Variants in HDAC4 observed in about 807,000 individuals in gnomAD.
HDAC4 encodes histone deacetylase A.
HDAC4 carries 16 observed loss-of-function variants against 135.1 expected under a neutral mutation model. The observed-to-expected ratio is 0.12, with a 90% CI of 0.08 to 0.18. The LOEUF (loss-of-function observed/expected upper bound fraction) is 0.18, where lower values mean the gene tolerates loss of function less well. Ranked by LOEUF, HDAC4 falls within the 10% of genes least tolerant of loss-of-function variation. HDAC4 has a pLI of 1.00. For synonymous variants in HDAC4, 685 were observed against 653.4 expected (o/e 1.05, Z -0.74); for missense variants, 1,143 against 1,511.8 (o/e 0.76, Z 4.05).
At chr2:239,066,924 G>A (rs746853191) in intron 23 of HDAC4, 69 bp from the exon 24 acceptor site, 27 of 1,562,784 alleles carry the variant, frequency 1.7e-5, no homozygotes, top group East Asian at 2.3e-5. Flanking sequence ...CCAGAAACGC[G>A]TCTCATGGCA....
chr2:239,360,286 G>C (rs1421301627), intron 1 of HDAC4, among the ~76,000 whole-genome samples: 2 of 152,218 alleles, frequency 1.3e-5, no homozygotes, highest in Non-Finnish European at 2.9e-5. Context: ...GGGGAAATAG[G>C]ACAAGGCAGA....
At chr2:239,298,585 T>A (rs1424027136) in intron 2 of HDAC4, 1 of 1,018,482 alleles carries the variant, frequency 9.8e-7, no homozygotes, top group African/African-American at 1.7e-5. Context: ...TCCACCCACA[T>A]CCGGTGCACA....
At chr2:239,231,428 G>C (rs192677452) in intron 3 of HDAC4, among the ~76,000 whole-genome samples, 1 of 150,138 alleles carries the variant, frequency 6.7e-6, no homozygotes, top group Non-Finnish European at 1.5e-5. Context: ...CAGCGGCCAC[G>C]GGATCTGAGG....
At chr2:239,130,529 T>C (rs1427071909) in intron 11 of HDAC4, among the ~76,000 whole-genome samples, 1 of 143,086 alleles carries the variant, frequency 7.0e-6, no homozygotes, top group Non-Finnish European at 1.6e-5. Context: ...CCACGAGGCA[T>C]ACACATCTCC....
At chr2:239,334,295 G>A (rs188771653) in intron 2 of HDAC4, among the ~76,000 whole-genome samples, 65 of 152,176 alleles carry the variant, frequency 4.3e-4, no homozygotes, top group Non-Finnish European at 7.4e-4. Flanking sequence ...CGAGGAGGAC[G>A]GATTGCTTGA....
At chr2:239,180,418 A>G (rs2044072922) in intron 4 of HDAC4, among the ~76,000 whole-genome samples, 1 of 152,152 alleles carries the variant, frequency 6.6e-6, no homozygotes, top group South Asian at 2.1e-4. Flanking sequence ...ACCCAGAACC[A>G]CTTGTAAATA....
chr2:239,064,279 T>C (rs1258277359), intron 24 of HDAC4, among the ~76,000 whole-genome samples: 2 of 152,226 alleles, frequency 1.3e-5, no homozygotes, highest in Non-Finnish European at 2.9e-5. Context: ...AGAGTGAATC[T>C]TTCAAAATTT....
intron 2 of HDAC4, among the ~76,000 whole-genome samples, chr2:239,261,777 G>A (rs576594230): frequency 1.3e-5 from 2 of 151,984 alleles, no homozygotes; most frequent in African/African-American, 4.8e-5. Flanking sequence ...CTTAGAAGGC[G>A]AGGTTTCCAA....
intron 2 of HDAC4, among the ~76,000 whole-genome samples, chr2:239,312,338 T>A (rs1449860444): frequency 6.6e-6 from 1 of 152,178 alleles, no homozygotes; most frequent in Non-Finnish European, 1.5e-5. Flanking sequence ...GGACATTGGC[T>A]GCCGCCAAGA....
intron 25 of HDAC4, among the ~76,000 whole-genome samples, chr2:239,054,468 G>A (rs1040773449): frequency 3.9e-5 from 6 of 152,160 alleles, no homozygotes; most frequent in East Asian, 1.9e-4. Flanking sequence ...CCTAGAGCAA[G>A]TGACTCCACA....
chr2:239,378,118 C>A (rs1050217762), intron 1 of HDAC4, among the ~76,000 whole-genome samples: 2 of 152,144 alleles, frequency 1.3e-5, no homozygotes, highest in African/African-American at 4.8e-5. Context: ...GTGGGTGCCC[C>A]TCTCAGCCTG....
At chr2:239,131,899 G>A (rs141985569) in intron 11 of HDAC4, among the ~76,000 whole-genome samples, 38 of 152,358 alleles carry the variant, frequency 2.5e-4, no homozygotes, top group African/African-American at 7.5e-4. Flanking sequence ...TCTAGACAGC[G>A]TGGGGGCCTC....
At position 239,307,813 on chromosome 2, in the gene HDAC4, A is replaced by G. The variant is rs1336252528; in HGVS notation, c.22+44865T>C. 6.6e-6 allele frequency among the ~76,000 whole-genome samples: 1 copy of G among 152,168 alleles called. No homozygotes were observed. Among genetic ancestry groups the G allele is most frequent in the Non-Finnish European group, 1.5e-5 (1 of 68,030 alleles). ...GTGCTTTCTTTCCAGAGGGTTTCCC[A>G]GCCTGAAACGCCACCCCACAGCCAC... On this transcript the variant is annotated intron_variant, in intron 2 of 26. Transcript: ENST00000543185. The surrounding 1 kb of genome is among the most constrained non-coding windows in gnomAD (Gnocchi z 4.8).
chr2:239,372,112 T>C (rs930104538), intron 1 of HDAC4, among the ~76,000 whole-genome samples: 6 of 152,094 alleles, frequency 3.9e-5, no homozygotes, highest in Admixed American at 6.5e-5. Flanking sequence ...CAGGAACCCA[T>C]AGGAACCTGA....
chr2:239,353,736 A>G (rs1416194079), intron 1 of HDAC4, among the ~76,000 whole-genome samples: 1 of 152,202 alleles, frequency 6.6e-6, no homozygotes, highest in Non-Finnish European at 1.5e-5. Context: ...GTATCTTCCA[A>G]CTAATATAAA....
rs574881663 is a variant in HDAC4 at position 239,381,164 on chromosome 2, C to T, written c.-220+19814G>A. Among the ~76,000 whole-genome samples the T allele has an allele frequency of 4.9e-4, 74 of 152,318 alleles. No homozygotes were observed. In the South Asian group the frequency reaches 6.6e-3, roughly 14 times the overall value. ...GAGTCACGGAGCTGCCTCCCGCGAC[C>T]GCCTTCCTCAATCACTACAATGAAA... On this transcript the variant is annotated intron_variant, in intron 1 of 26. Coordinates refer to ENST00000543185, the MANE Select transcript of HDAC4 (RefSeq NM_001378414.1).
At chr2:239,222,692 T>C in intron 3 of HDAC4, among the ~76,000 whole-genome samples, 1 of 152,218 alleles carries the variant, frequency 6.6e-6, no homozygotes. Flanking sequence ...TGGAAAATCT[T>C]TCTAAGACTC....
At chr2:239,367,467 A>T (rs1694297312) in intron 1 of HDAC4, among the ~76,000 whole-genome samples, 1 of 152,184 alleles carries the variant, frequency 6.6e-6, no homozygotes, top group African/African-American at 2.4e-5. Context: ...GTTAGTTTCT[A>T]ATACAATAAA....
chr2:239,126,797 G>T, intron 11 of HDAC4, 103 bp from the exon 12 acceptor site: 1 of 1,260,264 alleles, frequency 7.9e-7, no homozygotes, highest in Non-Finnish European at 1.1e-6. Flanking sequence ...CCCTGTGCCC[G>T]CCAGCCCAGG....
Sources: allele counts gnomAD v4.1 joint callset (sites outside exome capture counted in the v4.1 genomes callset), GRCh38; gene constraint gnomAD v4.1.1; non-coding constraint Gnocchi (gnomAD v3.1); transcripts MANE v1.5; gene names NCBI Gene and HGNC (gene_info 2026-07-23, HGNC 2026-07-21).